EXOC2: variants seen among roughly 807,000 people sequenced by gnomAD.
EXOC2 encodes exocyst complex component 2.
In EXOC2, 70 loss-of-function variants were observed where a neutral mutation model predicts 131.8. That is an observed-to-expected ratio of 0.53 (90% CI 0.44 to 0.65). EXOC2 has a LOEUF of 0.65. Among genes scored for constraint, EXOC2 ranks in the 30% least tolerant of loss-of-function variants. EXOC2 has a pLI of 0.00. For missense variants in EXOC2, 923 were observed against 1,108.6 expected, an observed-to-expected ratio of 0.83 and a Z score of 2.38; for synonymous variants, 411 against 398.4, an observed-to-expected ratio of 1.03 and a Z score of -0.38.
chr6:564,749 G>T, intron 14 of EXOC2, 47 bp from the exon 15 acceptor site: 1 of 1,571,358 alleles, frequency 6.4e-7, no homozygotes, highest in Non-Finnish European at 8.6e-7. Flanking sequence ...GTGATTAATC[G>T]GGTTACATTA....
intron 18 of EXOC2, 132 bp from the exon 19 acceptor site, chr6:556,145 TGC>T: frequency 1.2e-6 from 1 of 815,886 alleles, no homozygotes; most frequent in Non-Finnish European, 2.0e-6. Context: ...AAAGGAGGCG[TGC>T]GAAGAGTGGG....
chr6:576,735 G>T (rs764131213), intron 12 of EXOC2, 22 bp downstream of exon 12: 1 of 1,609,974 alleles, frequency 6.2e-7, no homozygotes, highest in African/African-American at 1.3e-5. Flanking sequence ...AAGACCCAGT[G>T]GCAGTGGAGG....
chr6:488,950 G>A lies in EXOC2; in HGVS notation c.2681+29C>T, dbSNP rs200207743. On this transcript the variant is annotated intron_variant, in intron 27 of 27. Transcript: ENST00000230449. ...AAAACCTTGTTGAGCACATTCAACT[G>A]GCTCCTAAGAACAGCACACAGGACT... The A allele has an allele frequency of 8.7e-6, 14 of 1,603,356 alleles. No homozygotes were observed. The East Asian group carries it at 2.5e-4, about 28-fold the overall frequency.
intron 10 of EXOC2, among the ~76,000 whole-genome samples, chr6:594,933 A>G (rs1561902607): frequency 2.6e-5 from 4 of 152,242 alleles, no homozygotes; most frequent in Non-Finnish European, 2.9e-5. Context: ...AACACTTTAA[A>G]AAGGCTTTTT....
rs1424956022 is a variant in EXOC2, at chr6:585,212, G to C, written c.1192+7257C>G. 2.0e-5 allele frequency among the ~76,000 whole-genome samples: 3 copies of C among 152,222 alleles called. No homozygotes were observed. The East Asian group carries it at 5.8e-4, about 29-fold the overall frequency. On this transcript the variant is annotated intron_variant, in intron 11 of 27. Transcript: ENST00000230449. ...ATCAGTATTTAGAAGGTTTCAAGAT[G>C]AGTTTTTAAAATATTAACCTTAGTT...
chr6:643,775 CAATT>C (rs528355952), intron 1 of EXOC2, among the ~76,000 whole-genome samples: 6 of 151,978 alleles, frequency 3.9e-5, no homozygotes, highest in African/African-American at 1.4e-4. Context: ...TCTTCACCAA[CAATT>C]AATGAATTGA....
chr6:535,392 T>TAAAA (rs1561828046), intron 22 of EXOC2, among the ~76,000 whole-genome samples: 2 of 151,542 alleles, frequency 1.3e-5, no homozygotes, highest in South Asian at 4.2e-4. Flanking sequence ...TTTTAAAAAT[T>TAAAA]AAAAAGGAAT....
intron 1 of EXOC2, among the ~76,000 whole-genome samples, chr6:642,766 T>C (rs962367854): frequency 6.6e-6 from 1 of 152,220 alleles, no homozygotes; most frequent in South Asian, 2.1e-4. Flanking sequence ...ATACACTGAT[T>C]AGGCTGCACA....
intron 13 of EXOC2, among the ~76,000 whole-genome samples, chr6:568,959 T>C (rs1482292024): frequency 6.6e-6 from 1 of 152,174 alleles, no homozygotes; most frequent in African/African-American, 2.4e-5. Context: ...ACATGAAAAG[T>C]AGACGGGGAA....
At chr6:534,507 C>T (rs1291201696) in intron 22 of EXOC2, among the ~76,000 whole-genome samples, 1 of 152,030 alleles carries the variant, frequency 6.6e-6, no homozygotes, top group South Asian at 2.1e-4. Flanking sequence ...AATTTACTTA[C>T]AAAGAAGAAA....
intron 1 of EXOC2, among the ~76,000 whole-genome samples, chr6:665,742 G>A (rs1390064769): frequency 1.3e-5 from 2 of 151,870 alleles, no homozygotes; most frequent in Non-Finnish European, 2.9e-5. Flanking sequence ...GGATGCAAAG[G>A]CATGAGAATG....
At chr6:549,061 TG>T in intron 22 of EXOC2, 113 bp downstream of exon 22, 2 of 787,300 alleles carry the variant, frequency 2.5e-6, no homozygotes, top group Non-Finnish European at 4.4e-6. Context: ...AGTGTGGCTG[TG>T]GGGGCGGCAC....
At chr6:656,257 G>C in intron 1 of EXOC2, 2 of 1,614,154 alleles carry the variant, frequency 1.2e-6, no homozygotes, top group Non-Finnish European at 1.7e-6. Flanking sequence ...TTGTCCACCC[G>C]CACTTGCACC....
chr6:663,420 C>T (rs1187067479), intron 1 of EXOC2, among the ~76,000 whole-genome samples: 1 of 152,008 alleles, frequency 6.6e-6, no homozygotes, highest in African/African-American at 2.4e-5. Flanking sequence ...AAGAAGGAAC[C>T]CTCCCTAATT....
intron 4 of EXOC2, among the ~76,000 whole-genome samples, chr6:627,260 A>AG (rs1761623503): frequency 6.6e-6 from 1 of 151,486 alleles, no homozygotes. Context: ...AAAAAAAAAA[A>AG]AAAAGAAGCC....
intron 23 of EXOC2, among the ~76,000 whole-genome samples, chr6:513,211 C>T (rs1252962736): frequency 1.3e-5 from 2 of 152,206 alleles, no homozygotes; most frequent in Non-Finnish European, 1.5e-5. Context: ...CTCCAGTCCC[C>T]GTGGGGAAGA....
chr6:523,236 G>A (rs1765570990), intron 23 of EXOC2, among the ~76,000 whole-genome samples: 1 of 152,202 alleles, frequency 6.6e-6, no homozygotes, highest in African/African-American at 2.4e-5. Flanking sequence ...CCTTCAAATG[G>A]AGAACATTCA....
Position 501,621 on chromosome 6 carries a change from T to A in EXOC2, c.2381-1921A>T, listed in dbSNP as rs1429848492. Among the ~76,000 whole-genome samples the A allele has an allele frequency of 2.7e-4, 21 of 76,972 alleles. 1 individual carries two copies. Among genetic ancestry groups the A allele is most frequent in the African/African-American group, 9.3e-4 (20 of 21,614 alleles). 50.5% of individuals were successfully genotyped at this position (76,972 alleles called of 152,430 possible). On this transcript the variant is annotated intron_variant, in intron 23 of 27. Coordinates refer to ENST00000230449, the MANE Select transcript of EXOC2 (RefSeq NM_018303.6). ...ATTATATATATTATATATCTATATA[T>A]TATATATCTATATATATCGATATAT...
At chr6:662,753 A>C (rs576011399) in intron 1 of EXOC2, among the ~76,000 whole-genome samples, 8 of 152,198 alleles carry the variant, frequency 5.3e-5, no homozygotes, top group Non-Finnish European at 1.2e-4. Flanking sequence ...GAACTAGAGA[A>C]ACAAGAACAA....
Sources: allele counts gnomAD v4.1 joint callset (sites outside exome capture counted in the v4.1 genomes callset), GRCh38; gene constraint gnomAD v4.1.1; transcripts MANE v1.5; gene names NCBI Gene and HGNC (gene_info 2026-07-23, HGNC 2026-07-21).